HSPG2: variants seen among roughly 807,000 people sequenced by gnomAD.
HSPG2 encodes basement membrane-specific heparan sulfate proteoglycan core protein.
HSPG2 carries 278 observed loss-of-function variants against 526.6 expected under a neutral mutation model. The observed-to-expected ratio is 0.53, with a 90% confidence interval of 0.48 to 0.58. HSPG2 has a LOEUF of 0.58. HSPG2 is among the 20% of genes least tolerant of loss of function. The pLI is 0.00. For missense variants in HSPG2, 5,354 were observed against 6,099.5 expected, an observed-to-expected ratio of 0.88 and a Z score of 4.07; for synonymous variants, 2,465 against 2,555.4, an observed-to-expected ratio of 0.96 and a Z score of 1.07.
intron 33 of HSPG2, among the ~76,000 whole-genome samples, chr1:21,866,083 G>A (rs375442743): frequency 9.1e-4 from 138 of 152,250 alleles, no homozygotes; most frequent in South Asian, 4.1e-3. Context: ...CGGTGCCGGC[G>A]AACAAACTCC....
In HSPG2 at chr1:21,829,999, C is replaced by G; in HGVS notation, c.11764G>C (p.Glu3922Gln). The G allele has an allele frequency of 6.2e-7, 1 of 1,607,810 alleles. No homozygotes were observed. The highest frequency in any genetic ancestry group is 1.7e-5 in the Admixed American group (1 of 59,430). The change falls in exon 86 of 97, where the codon GAG (glutamate) becomes CAG (glutamine). Residue 3922 changes from glutamate (E) to glutamine (Q), a missense_variant. Transcript: ENST00000374695. ...CHLGRSGLRC[E>Q]EGVTVTTPSL... ...CAGGCCTGGCTCCCCTCACCTTCCT[C>G]ACACCGCAACCCCGAGCGGCCCAGG... is the stretch of plus-strand genomic sequence containing the variant.
rs370645398 is a variant in HSPG2 at position 21,878,436 on chromosome 1, C to T, written c.2614G>A (p.Val872Ile). The stretch of plus-strand genomic sequence containing the variant: ...GGATGGTGGCAGCCATACTCACTGA[C>T]GGGCCTGCACTTCCCGCCGGGCTGG... ...PIQPGGKCRPVNQEIVRCDER... is the reference protein window; with the variant it reads ...PIQPGGKCRPINQEIVRCDER... Residue 872 changes from valine (V) to isoleucine (I), a missense_variant, in exon 20 of 97, where the codon GTC becomes ATC. By Grantham distance (29) the Val-to-Ile change is conservative. Transcript: ENST00000374695. The T allele has an allele frequency of 1.8e-5, 29 of 1,603,542 alleles. No individual in the cohort carries two copies. The highest frequency in any genetic ancestry group is 2.2e-5 in the South Asian group (2 of 89,936).
At chr1:21,908,148 G>T (rs1643478356) in intron 1 of HSPG2, 1 of 836,162 alleles carries the variant, frequency 1.2e-6, no homozygotes, top group Non-Finnish European at 2.1e-6. Flanking sequence ...TGTTCTCCAG[G>T]CCTTTTAGAA....
chr1:21,868,931 C>T (rs1640441961), intron 33 of HSPG2: 1 of 984,242 alleles, frequency 1.0e-6, no homozygotes, highest in African/African-American at 1.8e-5. Context: ...ATAGAGGCTT[C>T]CAGGAAGCAG....
intron 1 of HSPG2, among the ~76,000 whole-genome samples, chr1:21,914,863 C>T (rs1031851756): frequency 6.6e-6 from 1 of 152,202 alleles, no homozygotes; most frequent in Non-Finnish European, 1.5e-5. Context: ...ACCTGAACTG[C>T]CCAGAGCAAC....
intron 1 of HSPG2, chr1:21,908,076 C>G (rs1643473453): frequency 1.3e-6 from 1 of 760,936 alleles, no homozygotes; most frequent in Non-Finnish European, 2.4e-6. Context: ...CCGGAACCGC[C>G]ATCTTCCAGT....
At chr1:21,854,447 G>A (rs574808698) in intron 49 of HSPG2, 104 bp from the exon 50 acceptor site, 19 of 1,486,408 alleles carry the variant, frequency 1.3e-5, no homozygotes, top group Admixed American at 2.0e-5. Flanking sequence ...GCTCTGCTCC[G>A]AGCCATCCCA....
intron 85 of HSPG2, chr1:21,830,382 C>T: frequency 2.1e-6 from 1 of 468,176 alleles, no homozygotes; most frequent in Non-Finnish European, 3.9e-6. Context: ...GGGTGGGCAC[C>T]TGGGTAATAA....
chr1:21,876,168 G>T, intron 23 of HSPG2, 61 bp downstream of exon 23: 1 of 1,568,014 alleles, frequency 6.4e-7, no homozygotes, highest in African/African-American at 1.4e-5. Flanking sequence ...CCGCCTCCAA[G>T]CCTTTGCCTG....
At position 21,872,436 on chromosome 1, in the gene HSPG2, TG is replaced by T. The variant is rs1046490881; in HGVS notation, c.4030-60del. ...AGCACCGGGGTGCCTTGGTGGGGGA[TG>T]GGGCACGGGAGGGTGTTAAGGTGCG... On this transcript the variant is annotated intron_variant, in intron 32 of 96. Transcript: ENST00000374695. This position sits in a 1 kb window ranked among gnomAD's most constrained non-coding sequence, Gnocchi z 5.5. 1.0e-4 allele frequency: 155 copies of T among 1,479,690 alleles called. No homozygotes were observed. In the African/African-American group the frequency reaches 2.0e-3, roughly 19 times the overall value. 91.7% of individuals were successfully genotyped at this position (1,479,690 alleles called of 1,614,324 possible).
chr1:21,852,890 A>G (rs1557719305), intron 51 of HSPG2, 29 bp downstream of exon 51: 1 of 1,611,898 alleles, frequency 6.2e-7, no homozygotes, highest in Non-Finnish European at 8.5e-7. Flanking sequence ...CAGCCCCTCC[A>G]GCAAGGTGGT....
At chr1:21,912,831 T>G (rs1643744712) in intron 1 of HSPG2, among the ~76,000 whole-genome samples, 1 of 152,020 alleles carries the variant, frequency 6.6e-6, no homozygotes, top group Non-Finnish European at 1.5e-5. Flanking sequence ...AATATAAAAA[T>G]TAGCACAGCA....
intron 1 of HSPG2, among the ~76,000 whole-genome samples, chr1:21,916,445 C>T (rs1174359487): frequency 9.9e-5 from 15 of 151,920 alleles, no homozygotes; most frequent in East Asian, 1.9e-4. Flanking sequence ...GCAAAGCTCG[C>T]GGTGAACCGA....
chr1:21,905,880 G>A (rs1360177948), intron 1 of HSPG2, among the ~76,000 whole-genome samples: 2 of 152,152 alleles, frequency 1.3e-5, no homozygotes, highest in African/African-American at 4.8e-5. Context: ...TTGTGGTGGT[G>A]CACACCTGTA....
chr1:21,842,291 C>T lies in HSPG2; in HGVS notation c.9000G>A (p.Glu3000=). ...VCRAASGPGP[E]QEASFTVTVP... ...CGGTGACTGTGAAGGAGGCTTCTTG[C>T]TCAGGGCCTGGGCCGCTGGCTGCAC... The change falls in exon 68 of 97, where the codon GAG becomes GAA. Residue 3000 remains glutamate (E), a synonymous_variant. Transcript: ENST00000374695. The T allele has an allele frequency of 6.2e-7, 1 of 1,613,518 alleles. No homozygotes were observed. The highest frequency in any genetic ancestry group is 8.5e-7 in the Non-Finnish European group (1 of 1,179,890).
intron 1 of HSPG2, among the ~76,000 whole-genome samples, chr1:21,921,554 G>C (rs35542927): frequency 6.6e-6 from 1 of 152,186 alleles, no homozygotes; most frequent in Non-Finnish European, 1.5e-5. Flanking sequence ...TTAAAGCAGG[G>C]AACACCGGAC....
In HSPG2 at chr1:21,933,474, C is replaced by G. The variant is rs745449456; in HGVS notation, c.63+3681G>C. 7.2e-5 allele frequency among the ~76,000 whole-genome samples: 11 copies of G among 152,300 alleles called. No homozygotes were observed. In the East Asian group the frequency reaches 1.7e-3, roughly 24 times the overall value. On this transcript the variant is annotated intron_variant, in intron 1 of 96. Transcript: ENST00000374695. Reference sequence around the variant, plus strand: ...GTACCCGTATTACTGTGTCATCATCCAGCCTGGCACCCCAAGAGCTCCTTC... The same window carrying G: ...GTACCCGTATTACTGTGTCATCATCGAGCCTGGCACCCCAAGAGCTCCTTC...
At chr1:21,869,591 G>GT (rs1640491635) in intron 33 of HSPG2, 1 of 985,960 alleles carries the variant, frequency 1.0e-6, no homozygotes, top group South Asian at 4.7e-5. Context: ...TGGGGAGGGG[G>GT]TTGGGGTTGG....
At chr1:21,929,035 C>A (rs1216581126) in intron 1 of HSPG2, among the ~76,000 whole-genome samples, 1 of 152,206 alleles carries the variant, frequency 6.6e-6, no homozygotes, top group Admixed American at 6.5e-5. Flanking sequence ...GCTGGGATTA[C>A]AGGTTGTGAG....
Sources: gnomAD v4.1 joint callset for allele counts (sites outside exome capture counted in the v4.1 genomes callset) on GRCh38, gnomAD v4.1.1 for gene constraint, Gnocchi (gnomAD v3.1) non-coding constraint, MANE v1.5 for transcripts, NCBI Gene and HGNC (gene_info 2026-07-23, HGNC 2026-07-21) for gene names.